DOCK7: variants seen among roughly 807,000 people sequenced by gnomAD.
The protein encoded by DOCK7 is dedicator of cytokinesis 7.
Under a neutral mutation model 271.0 loss-of-function variants are expected in DOCK7, and 138 were observed. That is an observed-to-expected ratio of 0.51 (90% CI 0.44 to 0.59). The LOEUF is 0.59. Ranked by LOEUF, DOCK7 falls within the 20% of genes least tolerant of loss-of-function variation. DOCK7 has a pLI of 0.00. For missense variants in DOCK7, 2,066 were observed against 2,592.4 expected (o/e 0.80, Z 4.41); for synonymous variants, 823 against 876.1 (o/e 0.94, Z 1.07).
In DOCK7 at chr1:62,522,701, AACTG is replaced by A. The variant is rs777076675; in HGVS notation, c.3936+5446_3936+5449del. 5.8e-3 allele frequency among the ~76,000 whole-genome samples: 888 copies of A among 152,158 alleles called. 6 individuals are homozygous for A. The highest frequency in any genetic ancestry group is 0.02 in the African/African-American group (838 of 41,536). Reference sequence around the variant, plus strand: ...GTACAATAAATTACATATATAAAAAAACTGACAGGAAGAAACTACATTGTTATTA... The same window carrying A: ...GTACAATAAATTACATATATAAAAAAACAGGAAGAAACTACATTGTTATTA... On this transcript the variant is annotated intron_variant, in intron 31 of 49. Coordinates refer to ENST00000635253, the MANE Select transcript of DOCK7 (RefSeq NM_001367561.1).
At position 62,688,008 on chromosome 1, in the gene DOCK7, T is replaced by C. The variant is rs1662027923; in HGVS notation, c.38+219A>G. 2.0e-5 allele frequency among the ~76,000 whole-genome samples: 3 copies of C among 151,734 alleles called. No homozygotes were observed. In the South Asian group the frequency reaches 6.2e-4, roughly 32 times the overall value. Reference sequence around the variant, plus strand: ...GGCCCTCTCCGCTCCCTGCCGAGGCTCAGCGGCGGGCGCGGGCTGAAGGCC... The same window carrying C: ...GGCCCTCTCCGCTCCCTGCCGAGGCCCAGCGGCGGGCGCGGGCTGAAGGCC... On this transcript the variant is annotated intron_variant, in intron 1 of 49. Transcript: ENST00000635253.
chr1:62,546,221 T>A (rs1289308275), intron 22 of DOCK7, among the ~76,000 whole-genome samples: 1 of 152,118 alleles, frequency 6.6e-6, no homozygotes, highest in Non-Finnish European at 1.5e-5. Flanking sequence ...TTAAAACAAT[T>A]AAATCAGAAT....
chr1:62,667,224 T>C lies in DOCK7; in HGVS notation c.39-4094A>G, dbSNP rs144516921. ...AAAAATGAATAAGGAGAGTTCATACTAAAGTCATAAGAAAGTTTAGTTGAG... is the reference window on the plus strand; with the variant it reads ...AAAAATGAATAAGGAGAGTTCATACCAAAGTCATAAGAAAGTTTAGTTGAG... On this transcript the variant is annotated intron_variant, in intron 1 of 49. Coordinates refer to ENST00000635253, the MANE Select transcript of DOCK7 (RefSeq NM_001367561.1). Among the ~76,000 whole-genome samples the C allele has an allele frequency of 2.6e-5, 4 of 152,246 alleles. No individual in the cohort carries two copies. The East Asian group carries it at 5.8e-4, about 22-fold the overall frequency.
chr1:62,455,892 G>T (rs1214004773), intron 49 of DOCK7, among the ~76,000 whole-genome samples: 2 of 152,066 alleles, frequency 1.3e-5, no homozygotes, highest in African/African-American at 2.4e-5. Flanking sequence ...TTTTATGTGG[G>T]CTATATATGG....
At chr1:62,579,814 C>CCACTA (rs757497639) in intron 16 of DOCK7, among the ~76,000 whole-genome samples, 1 of 150,836 alleles carries the variant, frequency 6.6e-6, no homozygotes, top group Non-Finnish European at 1.5e-5. Context: ...CTAGAATTGA[C>CCACTA]CACTAAAACA....
At chr1:62,620,898 A>AC (rs1438460082) in intron 12 of DOCK7, among the ~76,000 whole-genome samples, 1 of 150,528 alleles carries the variant, frequency 6.6e-6, no homozygotes, top group African/African-American at 2.4e-5. Context: ...AAAAAAAAAA[A>AC]AAAAAAGGAA....
rs376417713 is a variant in DOCK7 at position 62,543,723 on chromosome 1, C to A, written c.2882G>T (p.Arg961Leu). The A allele has an allele frequency of 2.5e-6, 4 of 1,595,790 alleles. No individual in the cohort carries two copies. The highest frequency in any genetic ancestry group is 2.6e-6 in the Non-Finnish European group (3 of 1,167,044). Reference protein sequence around the residue: ...STQAMDRSCNRMSSHTETSSF... With the variant: ...STQAMDRSCNLMSSHTETSSF... ...TGACGTCTCTGTGTGCGAAGACATACGATTACAACTTCGATCCATAGCCTA... is the reference window on the plus strand; with the variant it reads ...TGACGTCTCTGTGTGCGAAGACATAAGATTACAACTTCGATCCATAGCCTA... Residue 961 changes from arginine (R) to leucine (L), a missense_variant, in exon 24 of 50, where the codon CGT becomes CTT. Physicochemically the swap from Arg to Leu is moderately radical, Grantham distance 102 (BLOSUM62 -2). Transcript: ENST00000635253.
chr1:62,555,695 A>T, intron 21 of DOCK7, 130 bp downstream of exon 21: 1 of 956,762 alleles, frequency 1.0e-6, no homozygotes, highest in Non-Finnish European at 1.5e-6. Context: ...AGTGAATGGT[A>T]CTTAGCAGGT....
chr1:62,663,242 T>C, intron 1 of DOCK7, 112 bp from the exon 2 acceptor site: 1 of 806,622 alleles, frequency 1.2e-6, no homozygotes, highest in South Asian at 1.7e-5. Context: ...AAAAACAAAA[T>C]CTCAGCATAA....
intron 43 of DOCK7, among the ~76,000 whole-genome samples, chr1:62,480,020 C>T (rs1245461269): frequency 1.3e-5 from 2 of 152,190 alleles, no homozygotes; most frequent in East Asian, 3.8e-4. Context: ...CAGAGGTTTC[C>T]AGTTTAAAAC....
intron 37 of DOCK7, among the ~76,000 whole-genome samples, chr1:62,502,461 A>G (rs868638244): frequency 5.9e-5 from 9 of 152,312 alleles, no homozygotes; most frequent in Middle Eastern, 3.4e-3. Context: ...GTGATATCCA[A>G]TAAGACCAAT....
intron 14 of DOCK7, among the ~76,000 whole-genome samples, chr1:62,606,769 C>A (rs1205773398): frequency 6.6e-6 from 1 of 152,108 alleles, no homozygotes. Flanking sequence ...GACATTCTAT[C>A]TGCTCTCACG....
intron 4 of DOCK7, 143 bp downstream of exon 4, chr1:62,653,578 ATATC>A: frequency 1.7e-6 from 1 of 592,258 alleles, no homozygotes. Context: ...TAAGGAGTAA[ATATC>A]TATACACAAA....
intron 2 of DOCK7, among the ~76,000 whole-genome samples, chr1:62,657,388 C>G (rs1276828078): frequency 6.6e-6 from 1 of 152,150 alleles, no homozygotes; most frequent in Non-Finnish European, 1.5e-5. Flanking sequence ...CTGGCCAAAA[C>G]AAGATAGCAT....
chr1:62,581,918 A>G (rs910925474), intron 16 of DOCK7, among the ~76,000 whole-genome samples: 2 of 152,180 alleles, frequency 1.3e-5, no homozygotes, highest in African/African-American at 4.8e-5. Flanking sequence ...CTTCTTTTTG[A>G]GAATAAGAGA....
intron 14 of DOCK7, among the ~76,000 whole-genome samples, chr1:62,613,979 T>C (rs1652131425): frequency 6.6e-6 from 1 of 152,126 alleles, no homozygotes. Flanking sequence ...AATGGCCATA[T>C]ATAAACTAAA....
intron 17 of DOCK7, 138 bp from the exon 18 acceptor site, chr1:62,577,501 T>A (rs1035409165): frequency 2.4e-5 from 10 of 424,048 alleles, no homozygotes; most frequent in Non-Finnish European, 3.3e-5. Flanking sequence ...ATACAAGTAA[T>A]AATAATAATA....
chr1:62,622,922 TCAAAAA>T (rs937158240), intron 12 of DOCK7, among the ~76,000 whole-genome samples: 8 of 151,650 alleles, frequency 5.3e-5, no homozygotes, highest in Admixed American at 1.3e-4. Flanking sequence ...AGAGCAAGAC[TCAAAAA>T]CAAAAACAAA....
chr1:62,569,460 C>T (rs1288045925), intron 18 of DOCK7, among the ~76,000 whole-genome samples: 1 of 151,946 alleles, frequency 6.6e-6, no homozygotes, highest in Non-Finnish European at 1.5e-5. Context: ...CGTAATCCGT[C>T]ACATAAACAG....
Sources: gnomAD v4.1 joint callset for allele counts (sites outside exome capture counted in the v4.1 genomes callset) on GRCh38, gnomAD v4.1.1 for gene constraint, MANE v1.5 for transcripts, NCBI Gene and HGNC (gene_info 2026-07-23, HGNC 2026-07-21) for gene names.